MRE11: variants seen among roughly 807,000 people sequenced by gnomAD.
MRE11 encodes MRE11 double strand break repair nuclease.
In MRE11, 62 loss-of-function variants were observed where a neutral mutation model predicts 91.7. That is an observed-to-expected ratio of 0.68 (90% CI 0.55 to 0.84). The LOEUF (loss-of-function observed/expected upper bound fraction) is 0.84, where lower values mean the gene tolerates loss of function less well. Among genes scored for constraint, MRE11 ranks in the 40% least tolerant of loss-of-function variants. MRE11 has a pLI of 0.00. For synonymous variants in MRE11, 273 were observed against 271.4 expected (o/e 1.01, Z -0.06); for missense variants, 796 against 852.9 (o/e 0.93, Z 0.83).
At chr11:94,466,433 G>T in intron 10 of MRE11, 1 of 515,246 alleles carries the variant, frequency 1.9e-6, no homozygotes, top group Non-Finnish European at 4.0e-6. Flanking sequence ...AAAGAAACGG[G>T]AACAGATTAC....
At chr11:94,434,999 A>G (rs563884134) in intron 18 of MRE11, among the ~76,000 whole-genome samples, 1 of 152,288 alleles carries the variant, frequency 6.6e-6, no homozygotes, top group Admixed American at 6.5e-5. Context: ...TTCAACCAAA[A>G]TGTTAACGTA....
chr11:94,487,000 G>C (rs969343930), intron 3 of MRE11, among the ~76,000 whole-genome samples: 4 of 152,142 alleles, frequency 2.6e-5, no homozygotes, highest in Non-Finnish European at 4.4e-5. Context: ...AAAAATGTGA[G>C]GTTTAAGCTA....
chr11:94,446,146 G>A (rs889592357), intron 15 of MRE11, among the ~76,000 whole-genome samples: 5 of 152,152 alleles, frequency 3.3e-5, no homozygotes, highest in African/African-American at 1.2e-4. Flanking sequence ...GGTAGCTCAC[G>A]CCTGTAATCC....
intron 10 of MRE11, chr11:94,466,465 T>G (rs774404203): frequency 3.8e-6 from 2 of 530,674 alleles, no homozygotes; most frequent in Non-Finnish European, 7.7e-6. Context: ...CAGACACTAT[T>G]TAATCCATTT....
At chr11:94,438,126 T>C (rs1449262383) in intron 16 of MRE11, among the ~76,000 whole-genome samples, 1 of 151,332 alleles carries the variant, frequency 6.6e-6, no homozygotes, top group Non-Finnish European at 1.5e-5. Flanking sequence ...AAACTCCGTC[T>C]CAAAAAACAA....
rs13447667 is a variant in MRE11 at position 94,458,741 on chromosome 11, G to T, written c.1500+667C>A. Among the ~76,000 whole-genome samples, 1,341 of 152,174 alleles carry T rather than the reference G, an allele frequency of 8.8e-3. 22 individuals are homozygous for T. The highest frequency in any genetic ancestry group is 0.031 in the African/African-American group (1,286 of 41,538). ...ATTGCTGCCAATTTGACAAACAAAAGATGTATTTGAGTTTCTTTGATTATC... is the reference window on the plus strand; with the variant it reads ...ATTGCTGCCAATTTGACAAACAAAATATGTATTTGAGTTTCTTTGATTATC... On this transcript the variant is annotated intron_variant, in intron 13 of 19. Coordinates refer to ENST00000323929, the MANE Select transcript of MRE11 (RefSeq NM_005591.4).
intron 13 of MRE11, 43 bp from the exon 14 acceptor site, chr11:94,456,381 A>G: frequency 6.8e-7 from 1 of 1,477,222 alleles, no homozygotes; most frequent in African/African-American, 1.4e-5. Flanking sequence ...TGCCTATTCC[A>G]GTTATGTAAA....
chr11:94,489,582 C>T, intron 3 of MRE11, among the ~76,000 whole-genome samples: 1 of 151,708 alleles, frequency 6.6e-6, no homozygotes, highest in Middle Eastern at 3.4e-3. Context: ...GAAATGTGAT[C>T]GTTTTGGACT....
intron 19 of MRE11, among the ~76,000 whole-genome samples, chr11:94,422,347 A>G (rs1945192792): frequency 6.6e-6 from 1 of 152,146 alleles, no homozygotes; most frequent in African/African-American, 2.4e-5. Flanking sequence ...TTTTCCAGAC[A>G]TCCTCCCAGA....
At chr11:94,468,927 C>G (rs1946638818) in intron 9 of MRE11, among the ~76,000 whole-genome samples, 1 of 152,096 alleles carries the variant, frequency 6.6e-6, no homozygotes, top group South Asian at 2.1e-4. Flanking sequence ...ATCCAACAAG[C>G]ATTTATAGAG....
intron 16 of MRE11, among the ~76,000 whole-genome samples, chr11:94,441,814 T>C (rs1945785445): frequency 6.6e-6 from 1 of 151,512 alleles, no homozygotes; most frequent in South Asian, 2.1e-4. Context: ...GTGTCTCTAC[T>C]AAAAATACAA....
intron 7 of MRE11, chr11:94,475,490 A>C (rs1946828674): frequency 2.4e-6 from 1 of 413,748 alleles, no homozygotes. Flanking sequence ...TTCCCTGACA[A>C]CTTCTCCGGT....
intron 14 of MRE11, among the ~76,000 whole-genome samples, chr11:94,455,770 A>G (rs183815067): frequency 6.6e-6 from 1 of 152,366 alleles, no homozygotes; most frequent in East Asian, 1.9e-4. Context: ...CCAAAATAAT[A>G]TCAGCTCAGT....
At chr11:94,467,720 A>G (rs2135022794) in intron 10 of MRE11, 93 bp downstream of exon 10, 1 of 1,075,462 alleles carries the variant, frequency 9.3e-7, no homozygotes, top group East Asian at 2.5e-5. Context: ...TACTATGAGC[A>G]CTCTCCTCAC....
rs144649199 is a variant in MRE11 at position 94,465,813 on chromosome 11, T to A, written c.1099-1574A>T. On this transcript the variant is annotated intron_variant, in intron 10 of 19. Transcript: ENST00000323929. ...AAATGTTTGGTCATAACAAATTTTA[T>A]TGGATGTCCTCAATGTTCTAAGTAT... Among the ~76,000 whole-genome samples, 455 of 152,372 alleles carry A rather than the reference T, an allele frequency of 3.0e-3. 1 individual carries two copies. Among genetic ancestry groups the A allele is most frequent in the Non-Finnish European group, 4.3e-3 (294 of 68,040 alleles).
At chr11:94,428,463 T>C (rs1452553119) in intron 19 of MRE11, among the ~76,000 whole-genome samples, 1 of 152,148 alleles carries the variant, frequency 6.6e-6, no homozygotes, top group Non-Finnish European at 1.5e-5. Flanking sequence ...AATACCCTTC[T>C]CAACACTGGC....
chr11:94,445,373 G>C (rs909058627), intron 16 of MRE11, among the ~76,000 whole-genome samples: 160 of 152,342 alleles, frequency 1.1e-3, no homozygotes, highest in African/African-American at 3.7e-3. Flanking sequence ...CCAATGGCAT[G>C]ATCTTGGCTC....
At chr11:94,485,125 C>T (rs1947106661) in intron 4 of MRE11, among the ~76,000 whole-genome samples, 1 of 149,710 alleles carries the variant, frequency 6.7e-6, no homozygotes, top group Non-Finnish European at 1.5e-5. Flanking sequence ...CCCAACTACT[C>T]GCCTGTAATC....
intron 6 of MRE11, among the ~76,000 whole-genome samples, chr11:94,477,642 G>A (rs1464132064): frequency 1.3e-5 from 2 of 152,132 alleles, no homozygotes; most frequent in Non-Finnish European, 2.9e-5. Context: ...ACATGTAACT[G>A]GAGACAAAAA....
Sources: allele counts gnomAD v4.1 joint callset (sites outside exome capture counted in the v4.1 genomes callset), GRCh38; gene constraint gnomAD v4.1.1; transcripts MANE v1.5; gene names NCBI Gene and HGNC (gene_info 2026-07-23, HGNC 2026-07-21).